Variants in TCF4 observed in about 807,000 individuals in gnomAD.
TCF4 encodes transcription factor 4, also known as SL3-3 enhancer factor 2.
In TCF4, 3 loss-of-function variants were observed where a neutral mutation model predicts 82.1. The observed-to-expected ratio is 0.04, with a 90% confidence interval of 0.02 to 0.09. The LOEUF is 0.09. TCF4 is among the 10% of genes least tolerant of loss of function. The probability of loss-of-function intolerance (pLI) is 1.00; values close to 1 mark genes in which losing one functional copy is unlikely to be tolerated. For missense variants in TCF4, 518 were observed against 852.7 expected (o/e 0.61, Z 4.89); for synonymous variants, 276 against 309.6 (o/e 0.89, Z 1.14).
At chr18:55,309,974 A>C (rs1015809485) in intron 8 of TCF4, among the ~76,000 whole-genome samples, 3 of 152,220 alleles carry the variant, frequency 2.0e-5, no homozygotes, top group Non-Finnish European at 4.4e-5. Context: ...TAAAAATAGT[A>C]ATCTTTATTA....
intron 8 of TCF4, among the ~76,000 whole-genome samples, chr18:55,279,997 A>T (rs1310729368): frequency 6.6e-6 from 1 of 152,152 alleles, no homozygotes; most frequent in Non-Finnish European, 1.5e-5. Flanking sequence ...GATGGCCCAT[A>T]AGCATGTGAA....
intron 15 of TCF4, among the ~76,000 whole-genome samples, chr18:55,247,458 C>G (rs2053629608): frequency 6.6e-6 from 1 of 152,176 alleles, no homozygotes; most frequent in African/African-American, 2.4e-5. Context: ...TTATGGATTT[C>G]AGTTGATTAC....
chr18:55,456,443 C>G (rs1400862750), intron 5 of TCF4, among the ~76,000 whole-genome samples: 2 of 152,186 alleles, frequency 1.3e-5, no homozygotes, highest in African/African-American at 4.8e-5. Context: ...CGATGCTGAA[C>G]TAAGCTGTAG....
At chr18:55,272,881 G>A (rs1414274796) in intron 10 of TCF4, among the ~76,000 whole-genome samples, 1 of 152,044 alleles carries the variant, frequency 6.6e-6, no homozygotes, top group African/African-American at 2.4e-5. Flanking sequence ...AAGGGTTTAT[G>A]TTACAAAAAA....
chr18:55,616,713 T>C (rs2097712500), intron 2 of TCF4, among the ~76,000 whole-genome samples: 1 of 152,130 alleles, frequency 6.6e-6, no homozygotes, highest in African/African-American at 2.4e-5. Context: ...ATGTTGAGCA[T>C]CTTTCATATA....
chr18:55,625,080 G>T (rs141642109), intron 2 of TCF4, among the ~76,000 whole-genome samples: 1 of 152,098 alleles, frequency 6.6e-6, no homozygotes, highest in African/African-American at 2.4e-5. Flanking sequence ...TCAAAGTCTG[G>T]TATTTTAGAG....
chr18:55,510,488 G>T, intron 3 of TCF4: 1 of 972,658 alleles, frequency 1.0e-6, no homozygotes, highest in Non-Finnish European at 1.4e-6. Flanking sequence ...AATATGTCCA[G>T]CAATTCAAAC....
intron 3 of TCF4, among the ~76,000 whole-genome samples, chr18:55,475,084 T>C (rs1481263080): frequency 6.6e-6 from 1 of 152,200 alleles, no homozygotes; most frequent in East Asian, 1.9e-4. Context: ...TCAGAAAATA[T>C]ACTGTGGGTA....
chr18:55,230,864 T>G (rs2047722744), intron 17 of TCF4: 1 of 152,184 alleles, frequency 6.6e-6, no homozygotes, highest in Admixed American at 6.5e-5. Context: ...CAAGTATACG[T>G]TACACATAAA....
At chr18:55,365,434 A>G (rs941695113) in intron 6 of TCF4, among the ~76,000 whole-genome samples, 1 of 151,530 alleles carries the variant, frequency 6.6e-6, no homozygotes, top group African/African-American at 2.4e-5. Flanking sequence ...AGTGAGAACA[A>G]CTTCAGAGTG....
chr18:55,322,047 G>A (rs1270325616), intron 8 of TCF4: 10 of 1,152,940 alleles, frequency 8.7e-6, no homozygotes, highest in Non-Finnish European at 1.1e-5. Flanking sequence ...GAATAATGCC[G>A]ATTCTTACAA....
At chr18:55,252,358 T>TTGTGTGTG (rs3831430) in intron 15 of TCF4, among the ~76,000 whole-genome samples, 1 of 149,794 alleles carries the variant, frequency 6.7e-6, no homozygotes, top group Admixed American at 6.7e-5. Context: ...TTTATTGCTT[T>TTGTGTGTG]TGTGTGTGTG....
intron 8 of TCF4, among the ~76,000 whole-genome samples, chr18:55,340,986 G>A (rs2079823823): frequency 6.6e-6 from 1 of 152,092 alleles, no homozygotes; most frequent in Admixed American, 6.5e-5. Context: ...TGCTCCCCTG[G>A]ACTGCCTGGC....
chr18:55,497,759 G>A (rs1453643900), intron 3 of TCF4, among the ~76,000 whole-genome samples: 11 of 152,158 alleles, frequency 7.2e-5, no homozygotes, highest in South Asian at 2.1e-4. Context: ...AATATCCAGC[G>A]GGGGGAAAAT....
chr18:55,254,956 T>C (rs1429972601), intron 14 of TCF4, among the ~76,000 whole-genome samples: 2 of 152,202 alleles, frequency 1.3e-5, no homozygotes, highest in Non-Finnish European at 2.9e-5. Flanking sequence ...ATAACATACA[T>C]GTGCTATATA....
intron 3 of TCF4, among the ~76,000 whole-genome samples, chr18:55,525,083 C>T (rs190385639): frequency 1.8e-3 from 273 of 152,112 alleles, no homozygotes; most frequent in African/African-American, 6.0e-3. Context: ...CCTCTCTCTC[C>T]TATCTTACTC....
rs765447444 is a variant in TCF4, at chr18:55,362,339, G to GAGGAAGGAAGGA, written c.370-11348_370-11337dup. Among the ~76,000 whole-genome samples the GAGGAAGGAAGGA allele has an allele frequency of 7.4e-3, 509 of 68,558 alleles. 6 individuals are homozygous for GAGGAAGGAAGGA. Among genetic ancestry groups the GAGGAAGGAAGGA allele is most frequent in the African/African-American group, 9.7e-3 (144 of 14,840 alleles). The allele number at this position is 68,558 out of a possible 152,430, so 45.0% of individuals were successfully genotyped here. ...TCCAAAAACAAAAACAAAAAAAAAA[G>GAGGAAGGAAGGA]AGGAAGGAAGGAAGGAAGGAAGGAA... On this transcript the variant is annotated intron_variant, in intron 6 of 19. Transcript: ENST00000354452.
At chr18:55,588,282 G>A (rs2097672365), upstream of TCF4, 3 of 1,440,022 alleles carry the variant, frequency 2.1e-6, no homozygotes, top group South Asian at 4.4e-5. Flanking sequence ...GGGGAAACAC[G>A]CCGAGGCGCA....
At chr18:55,443,933 T>TGGA (rs1024082921) in intron 5 of TCF4, among the ~76,000 whole-genome samples, 4 of 152,210 alleles carry the variant, frequency 2.6e-5, no homozygotes, top group Non-Finnish European at 5.9e-5. Context: ...TCCCAACAGA[T>TGGA]GGATTTTATA....
Sources: gnomAD v4.1 joint callset for allele counts (sites outside exome capture counted in the v4.1 genomes callset) on GRCh38, gnomAD v4.1.1 for gene constraint, MANE v1.5 for transcripts, NCBI Gene and HGNC (gene_info 2026-07-23, HGNC 2026-07-21) for gene names.